Variants in CWC27 observed in about 807,000 individuals in gnomAD.
CWC27 encodes CWC27 spliceosome associated cyclophilin, also known as spliceosome-associated protein CWC27 homolog.
Under a neutral mutation model 63.6 loss-of-function variants are expected in CWC27, and 47 were observed. The ratio of observed to expected loss-of-function variants is 0.74; its 90% CI spans 0.58 to 0.94. CWC27 has a LOEUF of 0.94. Ranked by LOEUF, CWC27 falls within the 40% of genes least tolerant of loss-of-function variation. CWC27 has a pLI of 0.00. For missense variants in CWC27, 495 were observed against 554.3 expected, an observed-to-expected ratio of 0.89 and a Z score of 1.07; for synonymous variants, 175 against 179.8, an observed-to-expected ratio of 0.97 and a Z score of 0.22.
At chr5:64,790,181 T>G (rs1471529054) in intron 7 of CWC27, among the ~76,000 whole-genome samples, 3 of 152,178 alleles carry the variant, frequency 2.0e-5, no homozygotes, top group Non-Finnish European at 4.4e-5. Context: ...TACACCAACA[T>G]TCTAAACTCT....
At chr5:64,806,607 A>G (rs1262056753) in intron 10 of CWC27, among the ~76,000 whole-genome samples, 1 of 152,216 alleles carries the variant, frequency 6.6e-6, no homozygotes, top group South Asian at 2.1e-4. Flanking sequence ...TTCAAAAGGA[A>G]GAAACAGTTT....
intron 10 of CWC27, among the ~76,000 whole-genome samples, chr5:64,857,961 C>T (rs1244351403): frequency 6.9e-6 from 1 of 145,716 alleles, no homozygotes; most frequent in Non-Finnish European, 1.5e-5. Flanking sequence ...CACGGTGAAA[C>T]CCCGTCTCTA....
intron 10 of CWC27, among the ~76,000 whole-genome samples, chr5:64,853,990 C>CT (rs1746197060): frequency 6.6e-6 from 1 of 152,228 alleles, no homozygotes; most frequent in South Asian, 2.1e-4. Context: ...CCCTCAGCCT[C>CT]TGACAGCCAC....
intron 1 of CWC27, chr5:64,773,932 C>G (rs555262612): frequency 6.6e-6 from 1 of 151,920 alleles, no homozygotes; most frequent in East Asian, 1.9e-4. Flanking sequence ...AAATCACAAG[C>G]CAGAATTAGA....
intron 10 of CWC27, among the ~76,000 whole-genome samples, chr5:64,823,857 A>C (rs1412564283): frequency 6.6e-6 from 1 of 152,154 alleles, no homozygotes; most frequent in Non-Finnish European, 1.5e-5. Context: ...TTTTAAGATA[A>C]TATTTGCTAA....
At chr5:64,821,228 G>C in intron 10 of CWC27, among the ~76,000 whole-genome samples, 1 of 151,888 alleles carries the variant, frequency 6.6e-6, no homozygotes, top group East Asian at 1.9e-4. Flanking sequence ...GGGATTACAG[G>C]CACGTGCCAC....
intron 11 of CWC27, among the ~76,000 whole-genome samples, chr5:64,898,054 AG>A (rs996338392): frequency 6.6e-6 from 1 of 152,222 alleles, no homozygotes. Context: ...AATGTACAAA[AG>A]GGAATATTGC....
intron 13 of CWC27, among the ~76,000 whole-genome samples, chr5:65,009,486 T>C (rs1048314774): frequency 2.6e-5 from 4 of 152,194 alleles, no homozygotes; most frequent in African/African-American, 7.2e-5. Context: ...GAATTGTATC[T>C]CCCTAAAACT....
At chr5:64,861,469 T>G (rs913019754) in intron 10 of CWC27, among the ~76,000 whole-genome samples, 1 of 152,080 alleles carries the variant, frequency 6.6e-6, no homozygotes, top group Non-Finnish European at 1.5e-5. Flanking sequence ...CTTATACTTA[T>G]GTGTAAGTGA....
intron 11 of CWC27, among the ~76,000 whole-genome samples, chr5:64,886,110 A>G (rs1259995241): frequency 6.6e-6 from 1 of 152,110 alleles, no homozygotes; most frequent in Admixed American, 6.5e-5. Flanking sequence ...GAAAGTCTAA[A>G]GTATTGATAA....
chr5:64,811,489 A>G (rs930913385), intron 10 of CWC27, among the ~76,000 whole-genome samples: 3 of 152,056 alleles, frequency 2.0e-5, no homozygotes, highest in Admixed American at 2.0e-4. Context: ...TAATTACATC[A>G]AATTGAAATA....
chr5:64,796,743 T>C (rs1281738124), intron 7 of CWC27, among the ~76,000 whole-genome samples: 1 of 119,636 alleles, frequency 8.4e-6, no homozygotes, highest in Non-Finnish European at 1.8e-5. Context: ...TGTCCCTTCC[T>C]CCTCCCTCCC....
intron 11 of CWC27, among the ~76,000 whole-genome samples, chr5:64,885,982 A>G (rs1747065541): frequency 6.6e-6 from 1 of 152,136 alleles, no homozygotes; most frequent in South Asian, 2.1e-4. Context: ...ATTTTTAAAA[A>G]GTGTTTGAGC....
chr5:65,017,966 C>G (rs993522721), intron 13 of CWC27, among the ~76,000 whole-genome samples, 193 bp from the exon 14 acceptor site: 2 of 152,224 alleles, frequency 1.3e-5, no homozygotes, highest in East Asian at 3.8e-4. Context: ...GCAGAACAAA[C>G]TCCAGACATG....
rs552876155 is a variant in CWC27, at chr5:64,874,570, G to A, written c.939-10873G>A. 5.9e-5 allele frequency among the ~76,000 whole-genome samples: 9 copies of A among 152,042 alleles called. No individual in the cohort carries two copies. The East Asian group carries it at 9.7e-4, about 16-fold the overall frequency. On this transcript the variant is annotated intron_variant, in intron 10 of 13. Coordinates refer to ENST00000381070, the MANE Select transcript of CWC27 (RefSeq NM_005869.4). Reference sequence around the variant, plus strand: ...CAACCTTCACCTCCCAAGTTGAAGCGATTCTTCTGCCTCAGCCTCCTGAGT... The same window carrying A: ...CAACCTTCACCTCCCAAGTTGAAGCAATTCTTCTGCCTCAGCCTCCTGAGT...
At chr5:64,960,857 C>G (rs755867809) in intron 11 of CWC27, among the ~76,000 whole-genome samples, 5 of 151,884 alleles carry the variant, frequency 3.3e-5, no homozygotes, top group Non-Finnish European at 7.4e-5. Flanking sequence ...AAGTGATCCT[C>G]CCACCTCAGC....
rs772461502 is a variant in CWC27 at position 64,804,344 on chromosome 5, C to T, written c.896C>T (p.Ser299Leu). Residue 299 changes from serine to leucine, a missense_variant, in exon 10 of 14, where the codon TCA (serine) becomes TTA (leucine). Physicochemically the swap from Ser to Leu is moderately radical, Grantham distance 145. Coordinates refer to ENST00000381070, the MANE Select transcript of CWC27 (RefSeq NM_005869.4). ...AAGGACACAAGTGCGAATGTTAAATCAGCTGGAGAAGGAGAAGTGGAGAAG... is the reference window on the plus strand; with the variant it reads ...AAGGACACAAGTGCGAATGTTAAATTAGCTGGAGAAGGAGAAGTGGAGAAG... ...LKKDTSANVK[S>L]AGEGEVEKKS... The T allele has an allele frequency of 6.2e-7, 1 of 1,612,792 alleles. No homozygotes were observed. Among genetic ancestry groups the T allele is most frequent in the Middle Eastern group, 1.7e-4 (1 of 5,882 alleles).
intron 11 of CWC27, among the ~76,000 whole-genome samples, chr5:64,919,530 C>T (rs901975089): frequency 6.6e-6 from 1 of 152,144 alleles, no homozygotes; most frequent in African/African-American, 2.4e-5. Flanking sequence ...CCAGCAGTCT[C>T]CAGTATCTAT....
chr5:64,849,361 A>T (rs1561434040), intron 10 of CWC27, among the ~76,000 whole-genome samples: 3 of 152,216 alleles, frequency 2.0e-5, no homozygotes, highest in Admixed American at 6.5e-5. Context: ...CTTGTATTGG[A>T]AGAATTAATG....
Sources: allele counts gnomAD v4.1 joint callset (sites outside exome capture counted in the v4.1 genomes callset), GRCh38; gene constraint gnomAD v4.1.1; transcripts MANE v1.5; gene names NCBI Gene and HGNC (gene_info 2026-07-23, HGNC 2026-07-21).